Variants in COL2A1 observed in about 807,000 individuals in gnomAD.
The protein encoded by COL2A1 is collagen alpha-1(II) chain.
A neutral mutation model predicts 204.5 loss-of-function variants in COL2A1; 28 were observed. The ratio of observed to expected loss-of-function variants is 0.14; its 90% confidence interval spans 0.10 to 0.19. The LOEUF is 0.19. Ranked by LOEUF, COL2A1 falls within the 10% of genes least tolerant of loss-of-function variation. COL2A1 has a pLI of 1.00. For missense variants in COL2A1, 1,388 were observed against 2,027.5 expected (o/e 0.68, Z 6.06); for synonymous variants, 708 against 718.7 (o/e 0.99, Z 0.24).
In COL2A1 at chr12:47,980,757, T is replaced by G; in HGVS notation, c.2518-96A>C. ...GAGACTCTGTGAGTATCTGCGTGTG[T>G]GTCCTGGTCTGGACATGATGGTTCT... On this transcript the variant is annotated intron_variant, in intron 38 of 53. Coordinates refer to ENST00000380518, the MANE Select transcript of COL2A1 (RefSeq NM_001844.5). This position sits in a 1 kb window ranked among gnomAD's most constrained non-coding sequence, Gnocchi z 4.5. 7.1e-7 allele frequency: 1 copy of G among 1,412,576 alleles called. No homozygotes were observed. The highest frequency in any genetic ancestry group is 9.8e-7 in the Non-Finnish European group (1 of 1,019,798). 87.5% of individuals were successfully genotyped at this position (1,412,576 alleles called of 1,614,324 possible).
rs1001844360 is a variant in COL2A1 at position 48,004,374 on chromosome 12, G to T, written c.-53C>A. 5 of 1,136,156 alleles carry T rather than the reference G, an allele frequency of 4.4e-6. No homozygotes were observed. The highest frequency in any genetic ancestry group is 1.5e-5 in the African/African-American group (1 of 65,038). 70.4% of individuals were successfully genotyped at this position (1,136,156 alleles called of 1,614,324 possible). On this transcript the variant is annotated 5_prime_UTR_variant, in exon 1 of 54. Transcript: ENST00000380518. ...GGCCCGGGCGGAGCGCAGCGAAACG[G>T]CAGGAGCACGGCGCGGGTCCGGGTC...
rs755854455 is a variant in COL2A1, at chr12:47,992,920, G to A, written c.981C>T (p.Gly327=). 1.9e-6 allele frequency: 3 copies of A among 1,614,180 alleles called. No individual in the cohort carries two copies. Among genetic ancestry groups the A allele is most frequent in the South Asian group, 1.1e-5 (1 of 91,084 alleles). The change falls in exon 16 of 54, where the codon GGC becomes GGT. Residue 327 remains glycine, a synonymous_variant. Coordinates refer to ENST00000380518, the MANE Select transcript of COL2A1 (RefSeq NM_001844.5). ...CAGTCCGTCCTCTTTCACCAGGCAG[G>A]CCACGAGGACCCTGGAACACACACC... is the stretch of plus-strand genomic sequence containing the variant. The part of the protein sequence containing the change: ...NGSPGPMGPR[G]LPGERGRTGP...
chr12:47,975,634 G>T (rs1162567397), intron 50 of COL2A1, 29 bp from the exon 51 acceptor site: 13 of 1,596,088 alleles, frequency 8.1e-6, no homozygotes, highest in Non-Finnish European at 8.5e-7. Context: ...AGATCAGCCA[G>T]GATTGTGTGA....
chr12:47,975,688 A>C (rs1938671908), intron 50 of COL2A1, 83 bp from the exon 51 acceptor site: 12 of 1,470,310 alleles, frequency 8.2e-6, no homozygotes, highest in Non-Finnish European at 1.0e-5. Context: ...AATGTACTAG[A>C]GTGTCCCTCT....
chr12:48,002,377 G>T (rs1940274635), intron 1 of COL2A1, among the ~76,000 whole-genome samples: 1 of 152,182 alleles, frequency 6.6e-6, no homozygotes, highest in South Asian at 2.1e-4. Context: ...TGACGTCCAC[G>T]CAGACTGCGC....
intron 22 of COL2A1, 76 bp from the exon 23 acceptor site, chr12:47,986,519 G>T: frequency 1.0e-6 from 1 of 953,192 alleles, no homozygotes; most frequent in Non-Finnish European, 1.6e-6. Flanking sequence ...AGAGTATGAA[G>T]GAAGTAGCCT....
Position 47,987,251 on chromosome 12 carries a change from T to C in COL2A1, c.1266+18A>G. 1 of 1,613,758 alleles carries C rather than the reference T, an allele frequency of 6.2e-7. No homozygotes were observed. The highest frequency in any genetic ancestry group is 2.2e-5 in the East Asian group (1 of 44,694). ...ACTGGGCTCTCCTGGGGTAGCAAAG[T>C]CCACGGGCAACACTCACAGCAGATC... On this transcript the variant is annotated intron_variant, in intron 20 of 53. Coordinates refer to ENST00000380518, the MANE Select transcript of COL2A1 (RefSeq NM_001844.5). This position sits in a 1 kb window ranked among gnomAD's most constrained non-coding sequence, Gnocchi z 4.1.
Position 47,977,008 on chromosome 12 carries a change from A to C in COL2A1, c.3328-89T>G, listed in dbSNP as rs41272757. On this transcript the variant is annotated intron_variant, in intron 47 of 53. Coordinates refer to ENST00000380518, the MANE Select transcript of COL2A1 (RefSeq NM_001844.5). Reference sequence around the variant, plus strand: ...CACCCAAGCTGAGGAATCCCCGGAAACACAGGGCTGGAGGCCCAGGAACCA... The same window carrying C: ...CACCCAAGCTGAGGAATCCCCGGAACCACAGGGCTGGAGGCCCAGGAACCA... 6,781 of 1,541,598 alleles carry C rather than the reference A, an allele frequency of 4.4e-3. 280 individuals carry two copies. The African/African-American group carries it at 0.079, about 18-fold the overall frequency.
rs1016481018 is a variant in COL2A1 at position 47,984,916 on chromosome 12, G to A, written c.1833+79C>T. On this transcript the variant is annotated intron_variant, in intron 27 of 53. Coordinates refer to ENST00000380518, the MANE Select transcript of COL2A1 (RefSeq NM_001844.5). ...CTGTCCCTGGTTAAACTCTACTCAG[G>A]ACCCAGCCCTTTCCCCAAGAGGGCA... 26 of 1,228,954 alleles carry A rather than the reference G, an allele frequency of 2.1e-5. No homozygotes were observed. The African/African-American group carries it at 3.9e-4, about 18-fold the overall frequency. The allele number at this position is 1,228,954 out of a possible 1,614,324, so 76.1% of individuals were successfully genotyped here.
intron 2 of COL2A1, chr12:47,998,966 C>T (rs80005652): frequency 0.015 from 2,410 of 155,728 alleles, 62 homozygotes; most frequent in African/African-American, 0.055. Context: ...ATAACCTCTC[C>T]TTCACAGTAG....
At position 47,978,741 on chromosome 12, in the gene COL2A1, A is replaced by T; in HGVS notation, c.2751T>A (p.Pro917=). 6.2e-7 allele frequency: 1 copy of T among 1,613,046 alleles called. No homozygotes were observed. Among genetic ancestry groups the T allele is most frequent in the Non-Finnish European group, 8.5e-7 (1 of 1,179,988 alleles). Residue 917 remains proline (P), a synonymous_variant, in exon 42 of 54, where the codon CCT becomes CCA. Transcript: ENST00000380518. This position sits in a 1 kb window ranked among gnomAD's most constrained non-coding sequence, Gnocchi z 5.5. ...CTTTTCCAGAAGGACCAGGGGGACC[A>T]GGGGGTCCAGGGTTGCCCTAGAAGG... ...PPGSNGNPGP[P]GPPGPSGKDG...
Position 48,004,451 on chromosome 12 carries a change from G to T in COL2A1, c.-130C>A. 1 of 590,858 alleles carries T rather than the reference G, an allele frequency of 1.7e-6. No homozygotes were observed. Among genetic ancestry groups the T allele is most frequent in the South Asian group, 2.0e-5 (1 of 48,874 alleles). The allele number at this position is 590,858 out of a possible 1,614,324, so 36.6% of individuals were successfully genotyped here. On this transcript the variant is annotated 5_prime_UTR_variant, in exon 1 of 54. Coordinates refer to ENST00000380518, the MANE Select transcript of COL2A1 (RefSeq NM_001844.5). ...CTTGGAGCAGGAGGGGGAAGCGGGA[G>T]ACCCGGCAGCCCAGCAGCGCTCTGC...
rs767041085 is a variant in COL2A1 at position 47,981,403 on chromosome 12, G to A, written c.2410-7C>T. The A allele has an allele frequency of 1.2e-5, 20 of 1,609,626 alleles. No homozygotes were observed. In the Middle Eastern group the frequency reaches 1.0e-3, roughly 80 times the overall value. ...CAGGAGGTCCAACTTCTCCCTGAGG[G>A]TGGGGAAGGGAGGAAGAGCTGGGGT... On this transcript the variant is annotated splice_region_variant and splice_polypyrimidine_tract_variant and intron_variant, in intron 36 of 53. Coordinates refer to ENST00000380518, the MANE Select transcript of COL2A1 (RefSeq NM_001844.5).
rs377198201 is a variant in COL2A1, at chr12:47,980,559, G to A, written c.2620C>T (p.Pro874Ser). The change falls in exon 39 of 54, where the codon CCT becomes TCT. Residue 874 changes from proline (P) to serine (S), a missense_variant. Coordinates refer to ENST00000380518, the MANE Select transcript of COL2A1 (RefSeq NM_001844.5). This position sits in a 1 kb window ranked among gnomAD's most constrained non-coding sequence, Gnocchi z 4.5. ...GPQGPSGAPG[P>S]QGPTGVTGPK... ...TGGAGTGCAGCGTTACCCACCTGAG[G>A]CCCAGGTGCTCCAGAGGGGCCCTGA... The A allele has an allele frequency of 3.0e-5, 49 of 1,607,066 alleles. No homozygotes were observed. The African/African-American group carries it at 5.9e-4, about 19-fold the overall frequency.
At position 48,000,092 on chromosome 12, in the gene COL2A1, C is replaced by G; in HGVS notation, c.119G>C (p.Arg40Thr). The G allele has an allele frequency of 6.2e-7, 1 of 1,613,612 alleles. No homozygotes were observed. Among genetic ancestry groups the G allele is most frequent in the Non-Finnish European group, 8.5e-7 (1 of 1,179,958 alleles). ...EAGSCVQDGQ[R>T]YNDKDVWKPE... ...CTTCCACACATCCTTATCATTATAC[C>G]TCTGCCCATCCTGCACACAGCTGCC... Residue 40 changes from arginine to threonine, a missense_variant, in exon 2 of 54, where the codon AGG becomes ACG. By Grantham distance (71) the Arg-to-Thr change is moderately conservative. Transcript: ENST00000380518.
At chr12:47,998,127 G>C in intron 4 of COL2A1, 42 bp downstream of exon 4, 1 of 1,614,194 alleles carries the variant, frequency 6.2e-7, no homozygotes, top group Admixed American at 1.7e-5. Flanking sequence ...GACCCATTTA[G>C]AGCAGCAGCT....
chr12:47,976,313 T>C lies in COL2A1; in HGVS notation c.3489+201A>G, dbSNP rs1364617752. Among the ~76,000 whole-genome samples the C allele has an allele frequency of 3.9e-5, 6 of 152,176 alleles. No individual in the cohort carries two copies. The highest frequency in any genetic ancestry group is 2.6e-4 in the Admixed American group (4 of 15,286). ...GCTGTTCTGTCTGACAGCGAGAGGC[T>C]GATTCATGTTTGTCTTACAGCCATT... On this transcript the variant is annotated intron_variant, in intron 49 of 53. Coordinates refer to ENST00000380518, the MANE Select transcript of COL2A1 (RefSeq NM_001844.5). This position sits in a 1 kb window ranked among gnomAD's most constrained non-coding sequence, Gnocchi z 4.3.
At chr12:47,979,943 C>T (rs1214670426) in intron 40 of COL2A1, 66 bp downstream of exon 40, 1 of 1,415,050 alleles carries the variant, frequency 7.1e-7, no homozygotes, top group East Asian at 2.5e-5. Context: ...ACACCCCCGC[C>T]ATGGGAGCCT....
rs79415107 is a variant in COL2A1, at chr12:47,988,192, G to A, written c.1123-483C>T. Among the ~76,000 whole-genome samples, 1,459 of 152,274 alleles carry A rather than the reference G, an allele frequency of 9.6e-3. 32 individuals are homozygous for A. The highest frequency in any genetic ancestry group is 0.033 in the African/African-American group (1,359 of 41,552). On this transcript the variant is annotated intron_variant, in intron 18 of 53. Coordinates refer to ENST00000380518, the MANE Select transcript of COL2A1 (RefSeq NM_001844.5). Reference sequence around the variant, plus strand: ...ACCACCTCACTCCCATCTGGCTGACGGGTGAACAGTGACACCCTGGCTCCG... The same window carrying A: ...ACCACCTCACTCCCATCTGGCTGACAGGTGAACAGTGACACCCTGGCTCCG...
Sources: gnomAD v4.1 joint callset for allele counts (sites outside exome capture counted in the v4.1 genomes callset) on GRCh38, gnomAD v4.1.1 for gene constraint, Gnocchi (gnomAD v3.1) non-coding constraint, MANE v1.5 for transcripts, NCBI Gene and HGNC (gene_info 2026-07-23, HGNC 2026-07-21) for gene names.